The following ABCC1 variants were observed in gnomAD, a reference collection of about 807,000 sequenced individuals.
ABCC1 encodes the protein ATP binding cassette subfamily C member 1 (ABCC1 blood group).
ABCC1 carries 83 observed loss-of-function variants against 172.9 expected under a neutral mutation model. The observed-to-expected ratio is 0.48, with a 90% CI of 0.40 to 0.58. The LOEUF is 0.58. Ranked by LOEUF, ABCC1 falls within the 20% of genes least tolerant of loss-of-function variation. The pLI is 0.00. For missense variants in ABCC1, 1,817 were observed against 2,002.7 expected (o/e 0.91, Z 1.77); for synonymous variants, 937 against 825.2 (o/e 1.14, Z -2.32).
chr16:16,138,392 G>C lies in ABCC1; in HGVS notation c.4321G>C (p.Ala1441Pro). The change falls in exon 30 of 31, where the codon GCC (alanine) becomes CCC (proline). Residue 1441 changes from alanine to proline, a missense_variant. Ala to Pro is a conservative substitution (Grantham distance 27). Coordinates refer to ENST00000399410, the MANE Select transcript of ABCC1 (RefSeq NM_004996.4). ...CGGGCAGCGCCAGCTTGTGTGCCTA[G>C]CCCGGGCCCTGCTGAGGAAGACGAA... is the stretch of plus-strand genomic sequence containing the variant. ...SVGQRQLVCLARALLRKTKIL... is the reference protein window; with the variant it reads ...SVGQRQLVCLPRALLRKTKIL... 3 of 1,601,944 alleles carry C rather than the reference G, an allele frequency of 1.9e-6. No homozygotes were observed. Among genetic ancestry groups the C allele is most frequent in the Non-Finnish European group, 2.6e-6 (3 of 1,170,144 alleles).
intron 21 of ABCC1, 96 bp from the exon 22 acceptor site, chr16:16,111,279 G>T: frequency 1.0e-6 from 1 of 964,316 alleles, no homozygotes; most frequent in South Asian, 1.4e-5. Context: ...AGGCAGCTGG[G>T]TGGCACAGTG....
intron 10 of ABCC1, among the ~76,000 whole-genome samples, chr16:16,050,369 G>T (rs562043318): frequency 6.6e-6 from 1 of 152,070 alleles, no homozygotes; most frequent in Non-Finnish European, 1.5e-5. Context: ...TGAGGCAGGA[G>T]AATGGCCTGA....
intron 5 of ABCC1, among the ~76,000 whole-genome samples, chr16:16,026,713 C>T (rs576900502): frequency 6.6e-6 from 1 of 151,594 alleles, no homozygotes; most frequent in East Asian, 2.0e-4. Context: ...GTCAGGAGTT[C>T]GAGACCAGCC....
At chr16:16,062,696 T>C (rs2049967643) in intron 12 of ABCC1, among the ~76,000 whole-genome samples, 1 of 152,154 alleles carries the variant, frequency 6.6e-6, no homozygotes, top group Non-Finnish European at 1.5e-5. Context: ...GGCCTTTAGT[T>C]CCCCTGGAAG....
At chr16:16,010,433 A>G (rs2047733710) in intron 3 of ABCC1, among the ~76,000 whole-genome samples, 1 of 152,172 alleles carries the variant, frequency 6.6e-6, no homozygotes, top group Non-Finnish European at 1.5e-5. Context: ...ATTGAGTGGC[A>G]GATGCCCCCT....
intron 1 of ABCC1, among the ~76,000 whole-genome samples, chr16:15,965,051 A>G (rs1178206444): frequency 2.0e-5 from 3 of 152,118 alleles, no homozygotes; most frequent in East Asian, 1.9e-4. Flanking sequence ...TCCTATTGGC[A>G]TATTAACATT....
rs578044545 is a variant in ABCC1, at chr16:16,111,255, G to A, written c.2872-120G>A. Reference sequence around the variant, plus strand: ...TAGCTAAAGGGGAGGGGTGTTCTACGTAGGAGCAAAGGCAGGCAGCTGGGT... The same window carrying A: ...TAGCTAAAGGGGAGGGGTGTTCTACATAGGAGCAAAGGCAGGCAGCTGGGT... On this transcript the variant is annotated intron_variant, in intron 21 of 30. Transcript: ENST00000399410. 521 of 795,602 alleles carry A rather than the reference G, an allele frequency of 6.5e-4. 1 individual carries two copies. The African/African-American group carries it at 7.8e-3, about 12-fold the overall frequency. 49.3% of individuals were successfully genotyped at this position (795,602 alleles called of 1,614,324 possible). A position where few individuals can be genotyped will look rare whatever the true frequency, so the allele number is the denominator to read the frequency against.
At chr16:16,001,753 C>T (rs1361351613) in intron 1 of ABCC1, among the ~76,000 whole-genome samples, 6 of 152,202 alleles carry the variant, frequency 3.9e-5, no homozygotes, top group Admixed American at 1.3e-4. Flanking sequence ...AACTTGTTAT[C>T]TGCTGTGCTT....
intron 1 of ABCC1, among the ~76,000 whole-genome samples, chr16:15,973,032 T>C (rs1324131334): frequency 6.6e-6 from 1 of 152,026 alleles, no homozygotes; most frequent in Non-Finnish European, 1.5e-5. Context: ...TGAGTTCAAG[T>C]CGTCTGCCCA....
intron 11 of ABCC1, 45 bp from the exon 12 acceptor site, chr16:16,056,047 A>G (rs534883376): frequency 6.4e-7 from 1 of 1,567,374 alleles, no homozygotes; most frequent in South Asian, 1.1e-5. Context: ...TGATGGGCTG[A>G]TCCCAGGGTC....
At chr16:15,982,803 CAAAAA>C (rs148834444) in intron 1 of ABCC1, among the ~76,000 whole-genome samples, 2 of 43,212 alleles carry the variant, frequency 4.6e-5, no homozygotes, top group Admixed American at 3.5e-4. Flanking sequence ...GAGACGCTGT[CAAAAA>C]AAAAAAAAAA....
intron 1 of ABCC1, among the ~76,000 whole-genome samples, chr16:15,972,771 T>C (rs2046397971): frequency 6.7e-6 from 1 of 150,118 alleles, no homozygotes; most frequent in African/African-American, 2.5e-5. Context: ...TTGTCCAACA[T>C]GTACTTATTT....
At chr16:16,102,782 G>A (rs1254627348) in intron 20 of ABCC1, 65 bp downstream of exon 20, 25 of 1,492,070 alleles carry the variant, frequency 1.7e-5, no homozygotes, top group Admixed American at 1.3e-4. Context: ...ACAAGAGGAG[G>A]AACAAAAAAA....
intron 13 of ABCC1, 94 bp downstream of exon 13, chr16:16,068,396 A>G (rs1347999010): frequency 6.9e-7 from 1 of 1,457,998 alleles, no homozygotes; most frequent in African/African-American, 1.4e-5. Flanking sequence ...CCTCTAGATC[A>G]CACTCCCGGT....
intron 17 of ABCC1, among the ~76,000 whole-genome samples, chr16:16,086,007 C>T (rs1055948860): frequency 2.0e-5 from 3 of 152,162 alleles, no homozygotes; most frequent in African/African-American, 4.8e-5. Context: ...CAGGCCGGAG[C>T]CTTGCTTCAC....
Position 15,973,484 on chromosome 16 carries a change from G to A in ABCC1, c.48+23685G>A, listed in dbSNP as rs150595561. Among the ~76,000 whole-genome samples the A allele has an allele frequency of 3.1e-3, 479 of 152,176 alleles. 4 individuals are homozygous for A. Among genetic ancestry groups the A allele is most frequent in the African/African-American group, 0.011 (465 of 41,532 alleles). ...CCCAAATGTCAGTAGTACTGCAGTT[G>A]AGAAACCCTGGCATGGACGCAATCC... On this transcript the variant is annotated intron_variant, in intron 1 of 30. Coordinates refer to ENST00000399410, the MANE Select transcript of ABCC1 (RefSeq NM_004996.4).
chr16:15,991,965 G>A (rs906958099), intron 1 of ABCC1, among the ~76,000 whole-genome samples: 1 of 152,130 alleles, frequency 6.6e-6, no homozygotes, highest in Non-Finnish European at 1.5e-5. Flanking sequence ...AGGCCACACA[G>A]CAGGAGGTGA....
rs1241804776 is a variant in ABCC1, at chr16:15,949,808, CG to C, written c.48+14del. 5.0e-6 allele frequency: 6 copies of C among 1,194,012 alleles called. No homozygotes were observed. The highest frequency in any genetic ancestry group is 5.2e-6 in the Non-Finnish European group (5 of 963,474). 74.0% of individuals were successfully genotyped at this position (1,194,012 alleles called of 1,614,324 possible). A position where few individuals can be genotyped will look rare whatever the true frequency, so the allele number is the denominator to read the frequency against. On this transcript the variant is annotated intron_variant, in intron 1 of 30. Coordinates refer to ENST00000399410, the MANE Select transcript of ABCC1 (RefSeq NM_004996.4). ...GCTCCGACCCGCTCTGGGTACGTGC[CG>C]GGGGCCGCGTGAGGCCGGCGGGACG...
chr16:16,071,760 A>C, intron 14 of ABCC1, 31 bp downstream of exon 14: 2 of 1,590,274 alleles, frequency 1.3e-6, no homozygotes, highest in Non-Finnish European at 1.7e-6. Context: ...GGCTTCTGGA[A>C]GTGGCCGCCT....
Sources: gnomAD v4.1 joint callset for allele counts (sites outside exome capture counted in the v4.1 genomes callset) on GRCh38, gnomAD v4.1.1 for gene constraint, MANE v1.5 for transcripts, NCBI Gene and HGNC (gene_info 2026-07-23, HGNC 2026-07-21) for gene names.